The following RBMS1 variants were observed in gnomAD, a reference collection of about 807,000 sequenced individuals.
RBMS1 encodes RNA binding motif single stranded interacting protein 1.
Under a neutral mutation model 62.3 loss-of-function variants are expected in RBMS1, and 17 were observed. The ratio of observed to expected loss-of-function variants is 0.27; its 90% CI spans 0.19 to 0.41. The LOEUF is 0.41. Ranked by LOEUF, RBMS1 falls within the 10% of genes least tolerant of loss-of-function variation. The pLI is 1.00. For synonymous variants in RBMS1, 172 were observed against 170.0 expected (o/e 1.01, Z -0.09); for missense variants, 334 against 504.5 (o/e 0.66, Z 3.24).
chr2:160,413,648 G>A (rs1055563293), intron 1 of RBMS1, among the ~76,000 whole-genome samples: 1 of 152,198 alleles, frequency 6.6e-6, no homozygotes, highest in African/African-American at 2.4e-5. Flanking sequence ...GCCATAGTCT[G>A]ATTATTCTGT....
At chr2:160,459,803 A>G (rs748397461) in intron 1 of RBMS1, among the ~76,000 whole-genome samples, 2 of 152,194 alleles carry the variant, frequency 1.3e-5, no homozygotes, top group Non-Finnish European at 2.9e-5. Context: ...AGATGATCTA[A>G]GGTCTAATGC....
At chr2:160,447,608 T>C (rs1274771700) in intron 1 of RBMS1, among the ~76,000 whole-genome samples, 1 of 152,246 alleles carries the variant, frequency 6.6e-6, no homozygotes, top group Non-Finnish European at 1.5e-5. Flanking sequence ...TGTAAGTTCC[T>C]GGAGGCCAGC....
intron 1 of RBMS1, among the ~76,000 whole-genome samples, chr2:160,414,252 CTTCACTGATGGTTG>C (rs1696135012): frequency 6.6e-6 from 1 of 152,182 alleles, no homozygotes; most frequent in Admixed American, 6.5e-5. Flanking sequence ...CTAAATCTCA[CTTCACTGATGGTTG>C]CTAAGGTATA....
chr2:160,348,921 G>C (rs919105661), intron 2 of RBMS1, among the ~76,000 whole-genome samples: 6 of 152,078 alleles, frequency 3.9e-5, no homozygotes, highest in African/African-American at 1.4e-4. Flanking sequence ...ATGATTACTT[G>C]AGTTTATTAA....
chr2:160,318,243 AAAAAAAAAAGG>A lies in RBMS1; in HGVS notation c.252-27_252-17del. 6.6e-7 allele frequency: 1 copy of A among 1,523,730 alleles called. No homozygotes were observed. The highest frequency in any genetic ancestry group is 8.7e-7 in the Non-Finnish European group (1 of 1,147,284). The allele number at this position is 1,523,730 out of a possible 1,614,324, so 94.4% of individuals were successfully genotyped here. ...TTTCCCATATCTAAAAAAAAAAAAA[AAAAAAAAAAGG>A]AAAAAAAGAAAAGAAAGAAAAAGAA... On this transcript the variant is annotated splice_polypyrimidine_tract_variant and intron_variant, in intron 2 of 13. Coordinates refer to ENST00000348849, the MANE Select transcript of RBMS1 (RefSeq NM_016836.4).
intron 6 of RBMS1, among the ~76,000 whole-genome samples, chr2:160,297,448 C>A (rs1259202449): frequency 6.6e-6 from 1 of 152,166 alleles, no homozygotes; most frequent in Non-Finnish European, 1.5e-5. Context: ...TATTCAAAAC[C>A]ACCAAATATT....
At chr2:160,407,631 G>A (rs1296108342) in intron 1 of RBMS1, 17 of 982,038 alleles carry the variant, frequency 1.7e-5, no homozygotes, top group Non-Finnish European at 2.1e-5. Flanking sequence ...CGGGCCCGGG[G>A]CCGCGGCAGC....
Position 160,471,136 on chromosome 2 carries a change from T to C in RBMS1, c.75+22153A>G, listed in dbSNP as rs116364859. Among the ~76,000 whole-genome samples the C allele has an allele frequency of 8.3e-3, 1,267 of 152,322 alleles. 20 individuals carry two copies. The highest frequency in any genetic ancestry group is 0.027 in the African/African-American group (1,126 of 41,554). On this transcript the variant is annotated intron_variant, in intron 1 of 13. Coordinates refer to ENST00000348849, the MANE Select transcript of RBMS1 (RefSeq NM_016836.4). ...TCTAACTGGAACCATTTGGGAGTTA[T>C]TTTGGACAGTTTCTGAAAGGCAGGA...
chr2:160,407,384 G>A (rs1015826871), intron 1 of RBMS1: 1 of 985,782 alleles, frequency 1.0e-6, no homozygotes. Context: ...CCTCCGAGGA[G>A]GCGCGGAGCC....
chr2:160,300,833 T>C (rs1484386960), intron 5 of RBMS1, 103 bp from the exon 6 acceptor site: 3 of 1,239,476 alleles, frequency 2.4e-6, no homozygotes, highest in Non-Finnish European at 3.2e-6. Flanking sequence ...TGGATATAAA[T>C]GAAACCTAGT....
chr2:160,342,483 T>C (rs560095939), intron 2 of RBMS1, among the ~76,000 whole-genome samples: 2 of 152,074 alleles, frequency 1.3e-5, no homozygotes, highest in Non-Finnish European at 2.9e-5. Context: ...CATGTCAAAG[T>C]CCTTAAGAGG....
rs1335272019 is a variant in RBMS1, at chr2:160,273,227, T to C, written c.*1545A>G. 1 of 152,252 alleles carries C rather than the reference T, an allele frequency of 6.6e-6. No individual in the cohort carries two copies. The highest frequency in any genetic ancestry group is 2.4e-5 in the African/African-American group (1 of 41,472). The allele number at this position is 152,252 out of a possible 1,614,324, so 9.4% of individuals were successfully genotyped here. A position where few individuals can be genotyped will look rare whatever the true frequency, so the allele number is the denominator to read the frequency against. ...ATTGGTTTTCTTTACACTTGAACACTTGTAGTGATGATGTAAAGTGTGGCA... is the reference window on the plus strand; with the variant it reads ...ATTGGTTTTCTTTACACTTGAACACCTGTAGTGATGATGTAAAGTGTGGCA... On this transcript the variant is annotated 3_prime_UTR_variant, in exon 14 of 14. Transcript: ENST00000348849.
At chr2:160,304,261 C>T (rs995364902) in intron 4 of RBMS1, among the ~76,000 whole-genome samples, 1 of 152,030 alleles carries the variant, frequency 6.6e-6, no homozygotes, top group Admixed American at 6.5e-5. Flanking sequence ...TTAAGCAGTG[C>T]TAAAAGCAAG....
chr2:160,446,994 A>C (rs1302585413), intron 1 of RBMS1, among the ~76,000 whole-genome samples: 1 of 152,228 alleles, frequency 6.6e-6, no homozygotes, highest in Non-Finnish European at 1.5e-5. Context: ...TCATGTAACT[A>C]ATGCTTACTC....
chr2:160,356,096 T>C (rs914354108), intron 2 of RBMS1, among the ~76,000 whole-genome samples: 4 of 152,084 alleles, frequency 2.6e-5, no homozygotes, highest in African/African-American at 7.2e-5. Flanking sequence ...CCCTAAAAAA[T>C]TGTTTCTTTT....
chr2:160,492,099 G>A (rs903744159), intron 1 of RBMS1, among the ~76,000 whole-genome samples: 2 of 152,128 alleles, frequency 1.3e-5, no homozygotes, highest in African/African-American at 2.4e-5. Context: ...GTACCAGGCC[G>A]GAAATGCCCA....
intron 2 of RBMS1, among the ~76,000 whole-genome samples, chr2:160,350,995 C>A (rs1448889294): frequency 3.3e-5 from 5 of 151,974 alleles, no homozygotes; most frequent in Non-Finnish European, 5.9e-5. Flanking sequence ...TCCTATTCGC[C>A]ATAAAAAAGG....
intron 2 of RBMS1, among the ~76,000 whole-genome samples, chr2:160,359,496 G>A (rs1464899941): frequency 6.6e-6 from 1 of 152,006 alleles, no homozygotes; most frequent in African/African-American, 2.4e-5. Context: ...GTCCCTCCTG[G>A]GTGGAATGAT....
At chr2:160,282,006 G>A in intron 9 of RBMS1, 3 of 321,376 alleles carry the variant, frequency 9.3e-6, no homozygotes, top group South Asian at 8.0e-5. Context: ...CCTCTGAATT[G>A]AGAAATAGAT....
Sources: allele counts gnomAD v4.1 joint callset (sites outside exome capture counted in the v4.1 genomes callset), GRCh38; gene constraint gnomAD v4.1.1; transcripts MANE v1.5; gene names NCBI Gene and HGNC (gene_info 2026-07-23, HGNC 2026-07-21).